ROBO2: variants seen among roughly 807,000 people sequenced by gnomAD.
ROBO2 encodes the protein roundabout homolog 2.
A neutral mutation model predicts 160.8 loss-of-function variants in ROBO2; 53 were observed. That is an observed-to-expected ratio of 0.33 (90% CI 0.26 to 0.41). The LOEUF is 0.41. Ranked by LOEUF, ROBO2 falls within the 10% of genes least tolerant of loss-of-function variation. The pLI, the probability that ROBO2 is intolerant of heterozygous loss-of-function variation, is 1.00. For missense variants in ROBO2, 1,577 were observed against 1,722.4 expected (o/e 0.92, Z 1.49); for synonymous variants, 664 against 611.7 (o/e 1.09, Z -1.26).
At chr3:75,968,789 G>A (rs941771554) in intron 2 of ROBO2, among the ~76,000 whole-genome samples, 6 of 27,968 alleles carry the variant, frequency 2.1e-4, no homozygotes, top group East Asian at 5.8e-3. Flanking sequence ...TATATACTTG[G>A]CTTGTTTTAG....
intron 2 of ROBO2, among the ~76,000 whole-genome samples, chr3:77,425,792 T>G (rs1001209502): frequency 1.3e-5 from 2 of 151,592 alleles, no homozygotes; most frequent in African/African-American, 4.8e-5. Context: ...GCTTCTCGAG[T>G]AGCTGGAATT....
In ROBO2 at chr3:77,227,806, C is replaced by A. The variant is rs2086664964; in HGVS notation, c.388+129466C>A. ...CCTGATTGTTCTTTCAACTGCCTTA[C>A]TCTGTCATTGACTGTCAAGTCAGTC... is the stretch of plus-strand genomic sequence containing the variant. On this transcript the variant is annotated intron_variant, in intron 2 of 25. Coordinates refer to ENST00000461745, the Ensembl canonical transcript of ROBO2. Among the ~76,000 whole-genome samples the A allele has an allele frequency of 2.0e-5, 3 of 152,336 alleles. No individual in the cohort carries two copies. The South Asian group carries it at 6.2e-4, about 32-fold the overall frequency.
At chr3:77,183,400 G>A (rs2080979799) in intron 2 of ROBO2, among the ~76,000 whole-genome samples, 1 of 151,944 alleles carries the variant, frequency 6.6e-6, no homozygotes, top group Non-Finnish European at 1.5e-5. Context: ...TTGGAGACAG[G>A]GTCTTTAGAG....
chr3:77,503,733 T>C (rs1355198852), intron 5 of ROBO2, among the ~76,000 whole-genome samples: 1 of 151,692 alleles, frequency 6.6e-6, no homozygotes, highest in East Asian at 1.9e-4. Context: ...TTCTACCCAA[T>C]AAATATTTTT....
intron 19 of ROBO2, among the ~76,000 whole-genome samples, chr3:77,601,891 T>C (rs185060964): frequency 3.3e-4 from 50 of 152,344 alleles, no homozygotes; most frequent in Admixed American, 6.5e-4. Flanking sequence ...AACACTTTCA[T>C]TGGCTCTAAA....
At chr3:76,720,711 C>T (rs1394946316) in intron 2 of ROBO2, among the ~76,000 whole-genome samples, 3 of 152,082 alleles carry the variant, frequency 2.0e-5, no homozygotes, top group Non-Finnish European at 4.4e-5. Context: ...AAGAATGAGG[C>T]TAAAAATAAT....
chr3:76,851,220 A>G (rs969304439), intron 2 of ROBO2, among the ~76,000 whole-genome samples: 1 of 152,190 alleles, frequency 6.6e-6, no homozygotes, highest in Non-Finnish European at 1.5e-5. Flanking sequence ...AATTCTAATC[A>G]ATTAAAATCA....
chr3:76,398,700 T>A (rs182872033), intron 2 of ROBO2, among the ~76,000 whole-genome samples: 1 of 151,524 alleles, frequency 6.6e-6, no homozygotes, highest in Non-Finnish European at 1.5e-5. Flanking sequence ...AATATACTAA[T>A]AGTTTAGTAT....
intron 2 of ROBO2, among the ~76,000 whole-genome samples, chr3:76,385,388 C>T (rs570766568): frequency 6.6e-6 from 1 of 152,316 alleles, no homozygotes; most frequent in Non-Finnish European, 1.5e-5. Context: ...ACATCTGACA[C>T]CTGAAAAACG....
rs1207281824 is a variant in ROBO2 at position 76,790,332 on chromosome 3, A to C, written c.110-307682A>C. 2.0e-5 allele frequency among the ~76,000 whole-genome samples: 3 copies of C among 151,618 alleles called. No individual in the cohort carries two copies. In the East Asian group the frequency reaches 5.8e-4, roughly 29 times the overall value. ...TAGGAACTTGCCACCAAGCCAAAGG[A>C]ATTGATGAAGGAGTTGCAGAGTACG... is the stretch of plus-strand genomic sequence containing the variant. On this transcript the variant is annotated intron_variant, in intron 2 of 26. Coordinates refer to the ROBO2 transcript ENST00000487694.
At chr3:77,404,346 C>T (rs565541936) in intron 2 of ROBO2, among the ~76,000 whole-genome samples, 2 of 152,140 alleles carry the variant, frequency 1.3e-5, no homozygotes, top group African/African-American at 2.4e-5. Context: ...ATTTTTTCTT[C>T]TGTGTCACTT....
chr3:76,701,826 C>T (rs1371759682), intron 2 of ROBO2, among the ~76,000 whole-genome samples: 2 of 147,196 alleles, frequency 1.4e-5, no homozygotes, highest in Admixed American at 6.9e-5. Context: ...TATATAATTA[C>T]CTTGAGTAGT....
intron 2 of ROBO2, among the ~76,000 whole-genome samples, chr3:77,445,763 T>C (rs747104278): frequency 6.6e-6 from 1 of 150,852 alleles, no homozygotes; most frequent in East Asian, 2.0e-4. Context: ...AAGGTACCAG[T>C]TGCTTTTAAA....
At chr3:76,081,976 C>T (rs746820080) in intron 2 of ROBO2, among the ~76,000 whole-genome samples, 20 of 152,016 alleles carry the variant, frequency 1.3e-4, no homozygotes, top group South Asian at 2.1e-4. Context: ...TAGAATCAAG[C>T]CACAGATTTT....
chr3:77,432,657 C>T (rs1036173654), intron 2 of ROBO2, among the ~76,000 whole-genome samples: 3 of 152,150 alleles, frequency 2.0e-5, no homozygotes, highest in African/African-American at 7.2e-5. Flanking sequence ...GTAGTTGCCA[C>T]AAAGACCTTT....
At chr3:76,805,763 C>T (rs2064652563) in intron 2 of ROBO2, among the ~76,000 whole-genome samples, 1 of 151,628 alleles carries the variant, frequency 6.6e-6, no homozygotes, top group Admixed American at 6.6e-5. Context: ...ATCTTACAGA[C>T]TGAACCTAAA....
intron 2 of ROBO2, among the ~76,000 whole-genome samples, chr3:76,398,779 T>C (rs1026684747): frequency 6.6e-6 from 1 of 151,950 alleles, no homozygotes; most frequent in African/African-American, 2.4e-5. Context: ...TAGTTTAGCA[T>C]ATGCTATTAG....
At chr3:77,380,013 T>C (rs547476512) in intron 2 of ROBO2, among the ~76,000 whole-genome samples, 2 of 152,290 alleles carry the variant, frequency 1.3e-5, no homozygotes, top group African/African-American at 4.8e-5. Flanking sequence ...CCTAAAACAC[T>C]CAGGGAGGAC....
chr3:76,898,438 T>C (rs2148859419), intron 2 of ROBO2, among the ~76,000 whole-genome samples: 1 of 152,204 alleles, frequency 6.6e-6, no homozygotes, highest in East Asian at 1.9e-4. Flanking sequence ...ATAATATGTA[T>C]AAATAGCAAA....
Sources: allele counts gnomAD v4.1 joint callset (sites outside exome capture counted in the v4.1 genomes callset), GRCh38; gene constraint gnomAD v4.1.1; transcripts MANE v1.5; gene names NCBI Gene and HGNC (gene_info 2026-07-23, HGNC 2026-07-21).